NRXN1: variants seen among roughly 807,000 people sequenced by gnomAD.
NRXN1 encodes neurexin 1.
A neutral mutation model predicts 150.9 loss-of-function variants in NRXN1; 39 were observed. The observed-to-expected ratio is 0.26, with a 90% CI of 0.20 to 0.34. NRXN1 has a LOEUF of 0.34. Ranked by LOEUF, NRXN1 falls within the 10% of genes least tolerant of loss-of-function variation. The pLI, the probability that NRXN1 is intolerant of heterozygous loss-of-function variation, is 1.00. For synonymous variants in NRXN1, 924 were observed against 757.0 expected (o/e 1.22, Z -3.62); for missense variants, 1,815 against 1,949.9 (o/e 0.93, Z 1.30).
intron 21 of NRXN1, among the ~76,000 whole-genome samples, chr2:49,949,532 C>T (rs1415902856): frequency 6.6e-6 from 1 of 151,814 alleles, no homozygotes; most frequent in Non-Finnish European, 1.5e-5. Flanking sequence ...GAAAACTATA[C>T]TATTAAGACA....
At chr2:50,413,294 A>C (rs1409982252) in intron 17 of NRXN1, among the ~76,000 whole-genome samples, 2 of 152,242 alleles carry the variant, frequency 1.3e-5, no homozygotes, top group Admixed American at 6.5e-5. Context: ...GACATTTCTC[A>C]AAAGAAGACA....
chr2:50,917,311 T>C (rs1173667435), intron 5 of NRXN1: 1 of 151,756 alleles, frequency 6.6e-6, no homozygotes, highest in Non-Finnish European at 1.5e-5. Context: ...ATACATATCA[T>C]ATTTTAATAA....
At chr2:50,019,818 G>A (rs1451506780) in intron 21 of NRXN1, among the ~76,000 whole-genome samples, 1 of 149,646 alleles carries the variant, frequency 6.7e-6, no homozygotes, top group Non-Finnish European at 1.5e-5. Flanking sequence ...CATGGTGGCG[G>A]GCGCCTATAG....
At chr2:50,220,517 T>C (rs749724263) in intron 18 of NRXN1, among the ~76,000 whole-genome samples, 15 of 152,122 alleles carry the variant, frequency 9.9e-5, no homozygotes, top group East Asian at 1.9e-4. Context: ...TTTCACACTT[T>C]AGATTTCAGG....
chr2:50,443,323 T>C (rs2086127613), intron 17 of NRXN1, among the ~76,000 whole-genome samples: 1 of 152,184 alleles, frequency 6.6e-6, no homozygotes, highest in Non-Finnish European at 1.5e-5. Flanking sequence ...GGAGATGGTG[T>C]GAATATAGGA....
chr2:50,972,566 T>C (rs10187929), intron 2 of NRXN1, among the ~76,000 whole-genome samples: 5,122 of 152,184 alleles, frequency 0.034, 137 homozygotes, highest in Non-Finnish European at 0.05. Context: ...CATTGTAATA[T>C]CGAATTAAAC....
chr2:50,012,500 T>TA, intron 21 of NRXN1, among the ~76,000 whole-genome samples: 1 of 152,228 alleles, frequency 6.6e-6, no homozygotes, highest in Middle Eastern at 3.4e-3. Context: ...CATTTTTCTT[T>TA]AAAAAAGAAA....
chr2:50,740,892 C>A (rs1699346086), intron 5 of NRXN1, among the ~76,000 whole-genome samples: 1 of 151,996 alleles, frequency 6.6e-6, no homozygotes, highest in South Asian at 2.1e-4. Flanking sequence ...CAATAACTAC[C>A]CACAGCTTGG....
chr2:50,917,302 T>C (rs562215409), intron 5 of NRXN1: 12 of 151,832 alleles, frequency 7.9e-5, no homozygotes, highest in Admixed American at 3.9e-4. Context: ...CAGAAGAAGA[T>C]ACATATCATA....
intron 17 of NRXN1, among the ~76,000 whole-genome samples, chr2:50,328,209 A>AT (rs1306717057): frequency 2.0e-5 from 3 of 151,116 alleles, no homozygotes; most frequent in Middle Eastern, 3.4e-3. Context: ...TATTTTTGTA[A>AT]TTTTTTTTGT....
intron 5 of NRXN1, among the ~76,000 whole-genome samples, chr2:50,767,056 T>C (rs1702464494): frequency 6.6e-6 from 1 of 152,126 alleles, no homozygotes; most frequent in East Asian, 1.9e-4. Flanking sequence ...TTTCGGCAAA[T>C]AAGTCAGTTA....
intron 5 of NRXN1, among the ~76,000 whole-genome samples, chr2:50,898,940 C>T (rs17512199): frequency 6.7e-6 from 1 of 150,258 alleles, no homozygotes; most frequent in Non-Finnish European, 1.5e-5. Flanking sequence ...GGATTCTTGC[C>T]GACAGATTAA....
chr2:50,857,321 T>C (rs746410394), intron 5 of NRXN1, among the ~76,000 whole-genome samples: 89 of 151,884 alleles, frequency 5.9e-4, no homozygotes, highest in Non-Finnish European at 1.1e-3. Context: ...TGGTGAAGGG[T>C]CAGTTAAAAA....
chr2:51,011,239 G>A (rs1016365471), intron 2 of NRXN1, among the ~76,000 whole-genome samples: 8 of 151,706 alleles, frequency 5.3e-5, no homozygotes, highest in Admixed American at 1.3e-4. Context: ...GACCATTACC[G>A]ACAATATTCT....
intron 5 of NRXN1, among the ~76,000 whole-genome samples, chr2:50,648,599 A>G (rs1685149769): frequency 1.3e-5 from 2 of 152,008 alleles, no homozygotes; most frequent in South Asian, 4.1e-4. Flanking sequence ...AAAATTAACC[A>G]GACATACCAG....
chr2:50,524,729 G>C (rs1195668848), intron 12 of NRXN1, among the ~76,000 whole-genome samples: 1 of 151,994 alleles, frequency 6.6e-6, no homozygotes, highest in African/African-American at 2.4e-5. Context: ...ATAGGAGCAA[G>C]TTTAGTTTTC....
At chr2:50,560,993 A>C (rs1483573207) in intron 8 of NRXN1, among the ~76,000 whole-genome samples, 1 of 152,230 alleles carries the variant, frequency 6.6e-6, no homozygotes, top group Non-Finnish European at 1.5e-5. Flanking sequence ...AAAATTGGAG[A>C]GGGAAAAAAC....
intron 17 of NRXN1, among the ~76,000 whole-genome samples, chr2:50,249,751 C>G (rs2152896561): frequency 6.6e-6 from 1 of 152,094 alleles, no homozygotes; most frequent in South Asian, 2.1e-4. Flanking sequence ...TATTCTCCTG[C>G]CTCAGCCTCC....
intron 18 of NRXN1, among the ~76,000 whole-genome samples, chr2:50,182,171 G>A (rs2060770539): frequency 7.4e-6 from 1 of 134,720 alleles, no homozygotes; most frequent in Admixed American, 7.9e-5. Flanking sequence ...CTCTCTGATT[G>A]ACAAATAAAG....
Sources: gnomAD v4.1 joint callset for allele counts (sites outside exome capture counted in the v4.1 genomes callset) on GRCh38, gnomAD v4.1.1 for gene constraint, MANE v1.5 for transcripts, NCBI Gene and HGNC (gene_info 2026-07-23, HGNC 2026-07-21) for gene names.